ATL3: variants seen among roughly 807,000 people sequenced by gnomAD.
The protein encoded by ATL3 is atlastin-3.
In ATL3, 49 loss-of-function variants were observed where a neutral mutation model predicts 69.5. The ratio of observed to expected loss-of-function variants is 0.71; its 90% CI spans 0.56 to 0.89. ATL3 has a LOEUF of 0.89. ATL3 is among the 40% of genes least tolerant of loss of function. The pLI, the probability that ATL3 is intolerant of heterozygous loss-of-function variation, is 0.00. For synonymous variants in ATL3, 214 were observed against 224.1 expected (o/e 0.95, Z 0.40); for missense variants, 606 against 645.7 (o/e 0.94, Z 0.67).
At chr11:63,663,707 TA>T (rs563928470) in intron 1 of ATL3, among the ~76,000 whole-genome samples, 67 of 152,294 alleles carry the variant, frequency 4.4e-4, no homozygotes, top group African/African-American at 1.5e-3. Flanking sequence ...CAGTGTTAAG[TA>T]CTGTGTAGCA....
intron 3 of ATL3, among the ~76,000 whole-genome samples, chr11:63,656,467 C>T (rs1940251623): frequency 6.6e-6 from 1 of 151,830 alleles, no homozygotes; most frequent in Non-Finnish European, 1.5e-5. Context: ...GGCACAGTGG[C>T]TCATGCTTGT....
intron 5 of ATL3, chr11:63,650,427 G>A (rs1940036153): frequency 6.6e-6 from 1 of 152,062 alleles, no homozygotes; most frequent in Admixed American, 6.6e-5. Context: ...AAAACCTAAT[G>A]ATTTTGTATC....
chr11:63,656,025 C>T (rs979891231), intron 3 of ATL3, among the ~76,000 whole-genome samples: 1 of 151,796 alleles, frequency 6.6e-6, no homozygotes, highest in Non-Finnish European at 1.5e-5. Flanking sequence ...GAGATCGAGA[C>T]CATCCTGGCT....
At chr11:63,645,717 G>A (rs1477996413) in intron 6 of ATL3, among the ~76,000 whole-genome samples, 8 of 151,930 alleles carry the variant, frequency 5.3e-5, no homozygotes, top group South Asian at 4.1e-4. Context: ...CAACCCCACC[G>A]AGTAGCTGGG....
At chr11:63,632,172 G>T (rs938250368) in intron 11 of ATL3, 5 of 448,502 alleles carry the variant, frequency 1.1e-5, no homozygotes, top group African/African-American at 6.0e-5. Context: ...AAAATTAAAT[G>T]AATTATAGAA....
intron 6 of ATL3, among the ~76,000 whole-genome samples, chr11:63,645,128 C>T (rs1353386814): frequency 6.6e-6 from 1 of 151,790 alleles, no homozygotes; most frequent in Non-Finnish European, 1.5e-5. Context: ...AAAGGAAGGC[C>T]AGCCACCGTG....
intron 3 of ATL3, among the ~76,000 whole-genome samples, chr11:63,657,976 C>T (rs2155802): frequency 0.43 from 64,613 of 151,556 alleles, 16,820 homozygotes; most frequent in East Asian, 0.85. Flanking sequence ...CCTGCCTCAG[C>T]CTCCCAAGTA....
In ATL3 at chr11:63,626,063, A is replaced by G. The variant is rs1260098897; in HGVS notation, c.*3256T>C. On this transcript the variant is annotated 3_prime_UTR_variant, in exon 13 of 13. Transcript: ENST00000398868. ...GTTAAAACGTAAACTTCCATAGAACATTTCTTGGTATACTACGAAAATAAG... is the reference window on the plus strand; with the variant it reads ...GTTAAAACGTAAACTTCCATAGAACGTTTCTTGGTATACTACGAAAATAAG... 2 of 151,580 alleles carry G rather than the reference A, an allele frequency of 1.3e-5. No homozygotes were observed. Among genetic ancestry groups the G allele is most frequent in the Admixed American group, 1.3e-4 (2 of 15,198 alleles). 9.4% of individuals were successfully genotyped at this position (151,580 alleles called of 1,614,324 possible).
At position 63,624,941 on chromosome 11, in the gene ATL3, C is replaced by G. The variant is rs752530122; in HGVS notation, c.*4378G>C. 2.0e-5 allele frequency: 3 copies of G among 152,094 alleles called. No homozygotes were observed. The highest frequency in any genetic ancestry group is 4.4e-5 in the Non-Finnish European group (3 of 68,030). The allele number at this position is 152,094 out of a possible 1,614,324, so 9.4% of individuals were successfully genotyped here. ...CGATGAAGCAGTCTCTCTCTGTGGT[C>G]TCTGAACCACTATTTATAAAAGTGA... On this transcript the variant is annotated 3_prime_UTR_variant, in exon 13 of 13. Coordinates refer to ENST00000398868, the MANE Select transcript of ATL3 (RefSeq NM_015459.5).
intron 1 of ATL3, among the ~76,000 whole-genome samples, chr11:63,660,389 C>G (rs1940384953): frequency 6.6e-6 from 1 of 152,170 alleles, no homozygotes; most frequent in African/African-American, 2.4e-5. Flanking sequence ...ACCTGCCCAT[C>G]AGAATGGCTA....
chr11:63,648,916 G>A (rs2134501023), intron 5 of ATL3, among the ~76,000 whole-genome samples: 1 of 152,180 alleles, frequency 6.6e-6, no homozygotes, highest in East Asian at 1.9e-4. Flanking sequence ...TTAGGAATTT[G>A]AGGTCACTCT....
chr11:63,664,322 T>C (rs1940509733), intron 1 of ATL3, among the ~76,000 whole-genome samples: 1 of 152,094 alleles, frequency 6.6e-6, no homozygotes, highest in Admixed American at 6.5e-5. Context: ...GCAGGTCACT[T>C]GAGGTCAGGA....
intron 6 of ATL3, 23 bp downstream of exon 6, chr11:63,646,484 A>C (rs942106712): frequency 1.5e-6 from 2 of 1,368,372 alleles, no homozygotes; most frequent in Non-Finnish European, 2.0e-6. Flanking sequence ...GGTATGAATT[A>C]TATTTAAAAT....
In ATL3 at chr11:63,631,085, C is replaced by T. The variant is rs1384839641; in HGVS notation, c.1494G>A (p.Glu498=). The change falls in exon 12 of 13, where the codon GAG becomes GAA. Residue 498 remains glutamate (E), a synonymous_variant. Transcript: ENST00000398868. Reference sequence around the variant, plus strand: ...CACCAAAATCAATAGCTCCGCCCAGCTCACGATATTGACCAGAATACCTGA... The same window carrying T: ...CACCAAAATCAATAGCTCCGCCCAGTTCACGATATTGACCAGAATACCTGA... ...GYIRYSGQYR[E]LGGAIDFGAA... 1.9e-6 allele frequency: 3 copies of T among 1,614,082 alleles called. No individual in the cohort carries two copies. In the East Asian group the frequency reaches 6.7e-5, roughly 36 times the overall value.
At chr11:63,642,273 A>C (rs1448719519) in intron 8 of ATL3, among the ~76,000 whole-genome samples, 1 of 152,196 alleles carries the variant, frequency 6.6e-6, no homozygotes, top group African/African-American at 2.4e-5. Context: ...AATCACGTAA[A>C]AGTATCAGAG....
At chr11:63,651,679 G>C (rs1169112086) in intron 5 of ATL3, among the ~76,000 whole-genome samples, 1 of 152,070 alleles carries the variant, frequency 6.6e-6, no homozygotes, top group African/African-American at 2.4e-5. Flanking sequence ...CTCCTCTCCT[G>C]TAATAGTTTT....
chr11:63,661,126 G>A (rs757958749), intron 1 of ATL3, among the ~76,000 whole-genome samples: 12 of 151,844 alleles, frequency 7.9e-5, no homozygotes, highest in Admixed American at 7.2e-4. Context: ...AAGAGGCTGA[G>A]GGAGAAGAAT....
At chr11:63,633,724 AAAAAAAAAAG>A (rs1334608466) in intron 10 of ATL3, among the ~76,000 whole-genome samples, 10 of 121,970 alleles carry the variant, frequency 8.2e-5, no homozygotes, top group African/African-American at 3.4e-4. Flanking sequence ...AGTCAAAAAA[AAAAAAAAAAG>A]AAGAAGGAAA....
At chr11:63,656,744 A>G (rs892429190) in intron 3 of ATL3, among the ~76,000 whole-genome samples, 2 of 151,806 alleles carry the variant, frequency 1.3e-5, no homozygotes, top group South Asian at 4.2e-4. Context: ...AAAAAAAAAA[A>G]AGAAACAATG....
Sources: gnomAD v4.1 joint callset for allele counts (sites outside exome capture counted in the v4.1 genomes callset) on GRCh38, gnomAD v4.1.1 for gene constraint, MANE v1.5 for transcripts, NCBI Gene and HGNC (gene_info 2026-07-23, HGNC 2026-07-21) for gene names.